NPHP4: variants seen among roughly 807,000 people sequenced by gnomAD.
NPHP4 encodes nephrocystin-4.
Under a neutral mutation model 155.8 loss-of-function variants are expected in NPHP4, and 151 were observed. The observed-to-expected ratio is 0.97, with a 90% CI of 0.85 to 1.11. The LOEUF (loss-of-function observed/expected upper bound fraction) is 1.11, where lower values mean the gene tolerates loss of function less well. NPHP4 is among the 50% of genes least tolerant of loss of function. The pLI, the probability that NPHP4 is intolerant of heterozygous loss-of-function variation, is 0.00. For missense variants in NPHP4, 1,956 were observed against 1,925.7 expected (o/e 1.02, Z -0.29); for synonymous variants, 845 against 816.8 (o/e 1.03, Z -0.59).
chr1:5,952,907 C>A, intron 6 of NPHP4, 71 bp from the exon 7 acceptor site: 1 of 1,436,462 alleles, frequency 7.0e-7, no homozygotes, highest in Non-Finnish European at 9.4e-7. Context: ...CCGAGGGTCC[C>A]TACCCACCCC....
chr1:5,884,448 G>A lies in NPHP4; in HGVS notation c.2485+2838C>T, dbSNP rs1287592. Among the ~76,000 whole-genome samples, 3 of 105,100 alleles carry A rather than the reference G, an allele frequency of 2.9e-5. No individual in the cohort carries two copies. The East Asian group carries it at 8.9e-4, about 31-fold the overall frequency. The allele number at this position is 105,100 out of a possible 152,430, so 68.9% of individuals were successfully genotyped here. On this transcript the variant is annotated intron_variant, in intron 18 of 29. Coordinates refer to ENST00000378156, the MANE Select transcript of NPHP4 (RefSeq NM_015102.5). ...TCCCAGCCGAACCCCCGTCCTACTCGACAACCAAGATCACTGCCCAAGCTC... is the reference window on the plus strand; with the variant it reads ...TCCCAGCCGAACCCCCGTCCTACTCAACAACCAAGATCACTGCCCAAGCTC...
intron 11 of NPHP4, among the ~76,000 whole-genome samples, chr1:5,926,890 T>C (rs1206533934): frequency 6.6e-6 from 1 of 152,228 alleles, no homozygotes; most frequent in African/African-American, 2.4e-5. Context: ...AAGGAAGTCA[T>C]CACCTGCGAC....
At chr1:5,866,963 G>A in intron 25 of NPHP4, 67 bp downstream of exon 25, 1 of 1,244,010 alleles carries the variant, frequency 8.0e-7, no homozygotes, top group Non-Finnish European at 1.2e-6. Flanking sequence ...ATACCCGTGG[G>A]GAAGCCGACA....
intron 7 of NPHP4, among the ~76,000 whole-genome samples, chr1:5,950,939 A>G (rs1647864468): frequency 6.6e-6 from 1 of 152,228 alleles, no homozygotes; most frequent in African/African-American, 2.4e-5. Context: ...AAAAAAAGTG[A>G]GCAAATGGAG....
In NPHP4 at chr1:5,890,781, C is replaced by A; in HGVS notation, c.2304+87G>T. Reference sequence around the variant, plus strand: ...AGTCCTGTGCGGGATAGCGCCCGCTCCTTCCAAGCAGACAGACGCTGGAAG... The same window carrying A: ...AGTCCTGTGCGGGATAGCGCCCGCTACTTCCAAGCAGACAGACGCTGGAAG... On this transcript the variant is annotated intron_variant, in intron 17 of 29. Coordinates refer to ENST00000378156, the MANE Select transcript of NPHP4 (RefSeq NM_015102.5). This position sits in a 1 kb window ranked among gnomAD's most constrained non-coding sequence, Gnocchi z 4.9. 7.4e-7 allele frequency: 1 copy of A among 1,345,056 alleles called. No individual in the cohort carries two copies. Among genetic ancestry groups the A allele is most frequent in the East Asian group, 2.5e-5 (1 of 39,812 alleles). The allele number at this position is 1,345,056 out of a possible 1,614,324, so 83.3% of individuals were successfully genotyped here.
At chr1:5,960,939 C>G (rs1032984754) in intron 6 of NPHP4, among the ~76,000 whole-genome samples, 1 of 152,170 alleles carries the variant, frequency 6.6e-6, no homozygotes, top group South Asian at 2.1e-4. Flanking sequence ...AGGCGGAAGG[C>G]TCAAGTGTTA....
chr1:5,933,148 T>C lies in NPHP4; in HGVS notation c.1301A>G (p.Glu434Gly), dbSNP rs747525000. 1 of 1,539,812 alleles carries C rather than the reference T, an allele frequency of 6.5e-7. No individual in the cohort carries two copies. The highest frequency in any genetic ancestry group is 8.8e-7 in the Non-Finnish European group (1 of 1,137,174). Residue 434 changes from glutamate to glycine, a missense_variant and splice_region_variant, in exon 10 of 30, where the codon GAG becomes GGG. By Grantham distance (98) the Glu-to-Gly change is moderately conservative (BLOSUM62 -2). Transcript: ENST00000378156. ...CATAAGAAATACCTAATAATTTACC[T>C]CTTCAGAGCTCATGCTGGCTGAGGG... ...KVPSASMSSE[E>G]VKQVESGTLR...
In NPHP4 at chr1:5,867,437, C is replaced by A; in HGVS notation, c.3472+303G>T. The A allele has an allele frequency of 1.8e-6, 1 of 550,392 alleles. No individual in the cohort carries two copies. The highest frequency in any genetic ancestry group is 3.2e-6 in the Non-Finnish European group (1 of 308,168). The allele number at this position is 550,392 out of a possible 1,614,324, so 34.1% of individuals were successfully genotyped here. ...TGCTGTAAGGGGCACCTACCAGAAA[C>A]ACGCGGGCCGTCAGGTGAGGAGGTA... On this transcript the variant is annotated intron_variant, in intron 24 of 29. Transcript: ENST00000378156. The surrounding 1 kb of genome is among the most constrained non-coding windows in gnomAD (Gnocchi z 4.1).
In NPHP4 at chr1:5,967,592, G is replaced by A. The variant is rs568341775; in HGVS notation, c.453-229C>T. On this transcript the variant is annotated intron_variant, in intron 4 of 29. Coordinates refer to ENST00000378156, the MANE Select transcript of NPHP4 (RefSeq NM_015102.5). ...CGCAGCCCCAACCAAGGCAGCCTGA[G>A]AATTGAGGAGCTTTCCTGGAAAACA... Among the ~76,000 whole-genome samples, 4 of 152,356 alleles carry A rather than the reference G, an allele frequency of 2.6e-5. No individual in the cohort carries two copies. The East Asian group carries it at 7.7e-4, about 29-fold the overall frequency.
chr1:5,969,352 C>A (rs1358234121), intron 3 of NPHP4, 93 bp from the exon 4 acceptor site: 23 of 720,354 alleles, frequency 3.2e-5, no homozygotes, highest in Non-Finnish European at 4.8e-5. Flanking sequence ...CGCCTTCCTA[C>A]ACGTGCCACA....
rs1201512603 is a variant in NPHP4, at chr1:5,866,437, T to A, written c.3580A>T (p.Ile1194Leu). ...GGACCACTGGCCACCTTCAGAAATATGTCCCGTGGTTCCCCGGGGCCCTGC... is the reference window on the plus strand; with the variant it reads ...GGACCACTGGCCACCTTCAGAAATAAGTCCCGTGGTTCCCCGGGGCCCTGC... The part of the protein sequence containing the change: ...QNVGPGEPRD[I>L]FLKVASGPSP... The change falls in exon 26 of 30, where the codon ATA becomes TTA. Residue 1194 changes from isoleucine (I) to leucine (L), a missense_variant. Transcript: ENST00000378156. 3 of 1,604,902 alleles carry A rather than the reference T, an allele frequency of 1.9e-6. No individual in the cohort carries two copies. Among genetic ancestry groups the A allele is most frequent in the Non-Finnish European group, 1.7e-6 (2 of 1,175,114 alleles).
chr1:5,927,958 A>G (rs1646095035), intron 10 of NPHP4, among the ~76,000 whole-genome samples, 171 bp from the exon 11 acceptor site: 1 of 152,186 alleles, frequency 6.6e-6, no homozygotes, highest in Non-Finnish European at 1.5e-5. Flanking sequence ...GCAAAAAGCA[A>G]TTGGTGTGGC....
chr1:5,866,943 G>A, intron 25 of NPHP4, 87 bp downstream of exon 25: 1 of 985,544 alleles, frequency 1.0e-6, no homozygotes. Flanking sequence ...AAAATGAAGA[G>A]GATCCCAGGA....
In NPHP4 at chr1:5,867,952, T is replaced by C. The variant is rs753387953; in HGVS notation, c.3316-56A>G. 16 of 1,582,496 alleles carry C rather than the reference T, an allele frequency of 1.0e-5. No individual in the cohort carries two copies. Among genetic ancestry groups the C allele is most frequent in the Non-Finnish European group, 1.4e-5 (16 of 1,151,586 alleles). ...GGGCACGAGGCTTGTGAGCAGCTTCTTGTCCCTCCTTAGACAGCACACGTA... is the reference window on the plus strand; with the variant it reads ...GGGCACGAGGCTTGTGAGCAGCTTCCTGTCCCTCCTTAGACAGCACACGTA... On this transcript the variant is annotated intron_variant, in intron 23 of 29. Transcript: ENST00000378156. The surrounding 1 kb of genome is among the most constrained non-coding windows in gnomAD (Gnocchi z 4.1).
At chr1:5,914,444 A>G (rs1321072815) in intron 11 of NPHP4, among the ~76,000 whole-genome samples, 2 of 152,064 alleles carry the variant, frequency 1.3e-5, no homozygotes, top group Non-Finnish European at 1.5e-5. Flanking sequence ...AAAAAAATAA[A>G]AAGTACTGAC....
At chr1:5,934,037 T>A (rs965009158) in intron 9 of NPHP4, among the ~76,000 whole-genome samples, 2 of 152,118 alleles carry the variant, frequency 1.3e-5, no homozygotes, top group African/African-American at 2.4e-5. Flanking sequence ...CTTGACTGAG[T>A]AAAGAGTTTT....
At chr1:5,887,261 A>G (rs555285813) in intron 18 of NPHP4, 25 bp downstream of exon 18, 1 of 1,599,542 alleles carries the variant, frequency 6.3e-7, no homozygotes, top group African/African-American at 1.3e-5. Flanking sequence ...CGCTGGAGAA[A>G]TGGCACAAGG....
chr1:5,969,776 G>A (rs1652230230), intron 3 of NPHP4, among the ~76,000 whole-genome samples: 1 of 152,186 alleles, frequency 6.6e-6, no homozygotes, highest in African/African-American at 2.4e-5. Flanking sequence ...CCTTCCCAGT[G>A]CTGCTTCGTG....
intron 6 of NPHP4, among the ~76,000 whole-genome samples, chr1:5,958,261 C>T (rs188329757): frequency 5.4e-4 from 82 of 152,340 alleles, no homozygotes; most frequent in Admixed American, 2.7e-3. Context: ...AAAGCAGCCT[C>T]AAGGCCAGGC....
Sources: allele counts gnomAD v4.1 joint callset (sites outside exome capture counted in the v4.1 genomes callset), GRCh38; gene constraint gnomAD v4.1.1; non-coding constraint Gnocchi (gnomAD v3.1); transcripts MANE v1.5; gene names NCBI Gene and HGNC (gene_info 2026-07-23, HGNC 2026-07-21).